Variants in CUX1 observed in about 807,000 individuals in gnomAD.
The protein encoded by CUX1 is cut like homeobox 1, also known as protein CASP.
CUX1 carries 31 observed loss-of-function variants against 158.8 expected under a neutral mutation model. That is an observed-to-expected ratio of 0.20 (90% CI 0.15 to 0.26). The LOEUF (loss-of-function observed/expected upper bound fraction) is 0.26, where lower values mean the gene tolerates loss of function less well. Ranked by LOEUF, CUX1 falls within the 10% of genes least tolerant of loss-of-function variation. CUX1 has a pLI of 1.00. For synonymous variants in CUX1, 879 were observed against 862.1 expected (o/e 1.02, Z -0.34); for missense variants, 1,589 against 2,014.6 (o/e 0.79, Z 4.04).
intron 5 of CUX1, among the ~76,000 whole-genome samples, chr7:102,100,954 G>A (rs1829706846): frequency 6.6e-6 from 1 of 152,182 alleles, no homozygotes; most frequent in African/African-American, 2.4e-5. Context: ...CAGCTTCTGA[G>A]GGTCCTCAGG....
intron 23 of CUX1, among the ~76,000 whole-genome samples, chr7:102,242,205 C>CTTTTTTTTTTTTTTTTT (rs67514665): frequency 1.1e-5 from 1 of 93,072 alleles, no homozygotes; most frequent in Non-Finnish European, 2.1e-5. Context: ...TTCTTTCTTT[C>CTTTTTTTTTTTTTTTTT]TTTTTTTTTT....
intron 2 of CUX1, among the ~76,000 whole-genome samples, chr7:101,973,146 C>T (rs1415210153): frequency 6.6e-6 from 1 of 152,112 alleles, no homozygotes; most frequent in Non-Finnish European, 1.5e-5. Flanking sequence ...TCCATCAGAG[C>T]GTGATTGGGG....
At chr7:102,099,667 T>G (rs992012493) in intron 5 of CUX1, among the ~76,000 whole-genome samples, 1 of 152,080 alleles carries the variant, frequency 6.6e-6, no homozygotes, top group African/African-American at 2.4e-5. Flanking sequence ...ACTCAAGTAG[T>G]CCTCCCGCCT....
chr7:102,172,236 C>T (rs1189828220), intron 10 of CUX1, among the ~76,000 whole-genome samples: 2 of 152,008 alleles, frequency 1.3e-5, no homozygotes, highest in African/African-American at 2.4e-5. Flanking sequence ...GAGCTGCAGG[C>T]GCATACCACC....
chr7:102,269,762 A>G (rs1436339931), intron 14 of CUX1, among the ~76,000 whole-genome samples: 1 of 152,084 alleles, frequency 6.6e-6, no homozygotes, highest in Non-Finnish European at 1.5e-5. Flanking sequence ...GGTCACAACC[A>G]TCGAACAAGT....
intron 1 of CUX1, among the ~76,000 whole-genome samples, chr7:101,838,199 G>A (rs1794842111): frequency 1.3e-5 from 2 of 150,814 alleles, no homozygotes; most frequent in Admixed American, 6.6e-5. Flanking sequence ...GCACAATCTC[G>A]GCTCACTGCA....
intron 1 of CUX1, among the ~76,000 whole-genome samples, chr7:101,910,567 C>T (rs767081536): frequency 1.3e-5 from 2 of 152,040 alleles, no homozygotes. Flanking sequence ...ACTAGTCTGG[C>T]CAACAAGGCG....
chr7:102,125,267 G>C (rs1443567192), intron 8 of CUX1, among the ~76,000 whole-genome samples: 7 of 152,174 alleles, frequency 4.6e-5, no homozygotes, highest in African/African-American at 1.7e-4. Flanking sequence ...CCTGCCCAAT[G>C]AGGACGTTTG....
At position 101,850,195 on chromosome 7, in the gene CUX1, A is replaced by T. The variant is rs542481862; in HGVS notation, c.30+32526A>T. Reference sequence around the variant, plus strand: ...TGCCTTGGCCTCCCAAAGTGCTGGGATTACAAGTGTGAGCCACCATGCCTG... The same window carrying T: ...TGCCTTGGCCTCCCAAAGTGCTGGGTTTACAAGTGTGAGCCACCATGCCTG... On this transcript the variant is annotated intron_variant, in intron 1 of 23. Coordinates refer to ENST00000292535, the MANE Select transcript of CUX1 (RefSeq NM_181552.4). Among the ~76,000 whole-genome samples, 23 of 152,186 alleles carry T rather than the reference A, an allele frequency of 1.5e-4. 1 individual carries two copies. The South Asian group carries it at 4.6e-3, about 30-fold the overall frequency.
At chr7:102,229,025 T>C (rs782711557) in intron 21 of CUX1, among the ~76,000 whole-genome samples, 4 of 152,196 alleles carry the variant, frequency 2.6e-5, no homozygotes, top group Non-Finnish European at 4.4e-5. Flanking sequence ...GTAGCAGCAT[T>C]TTCTAGCACC....
intron 1 of CUX1, among the ~76,000 whole-genome samples, chr7:101,831,365 A>C (rs1184455130): frequency 6.6e-6 from 1 of 151,236 alleles, no homozygotes; most frequent in Non-Finnish European, 1.5e-5. Context: ...ATCTCGGCTC[A>C]CTGCAACCTC....
rs535948948 is a variant in CUX1, at chr7:101,859,976, T to TTCCC, written c.30+42321_30+42324dup. Among the ~76,000 whole-genome samples the TTCCC allele has an allele frequency of 4.6e-5, 7 of 151,192 alleles. No individual in the cohort carries two copies. In the South Asian group the frequency reaches 1.5e-3, roughly 32 times the overall value. On this transcript the variant is annotated intron_variant, in intron 1 of 23. Coordinates refer to ENST00000292535, the MANE Select transcript of CUX1 (RefSeq NM_181552.4). Reference sequence around the variant, plus strand: ...TTTCTTCCTTCCCCTTTCTTTTTCCTTCCCTCCCTCCCTCCCTACCTTCCT... The same window carrying TTCCC: ...TTTCTTCCTTCCCCTTTCTTTTTCCTTCCCTCCCTCCCTCCCTCCCTACCTTCCT...
At chr7:102,207,858 T>C (rs1422515454) in intron 20 of CUX1, among the ~76,000 whole-genome samples, 2 of 152,182 alleles carry the variant, frequency 1.3e-5, no homozygotes, top group African/African-American at 4.8e-5. Flanking sequence ...GATTATCATA[T>C]GGTTTTCCTC....
At chr7:101,902,802 A>G (rs1273736750) in intron 1 of CUX1, among the ~76,000 whole-genome samples, 4 of 151,862 alleles carry the variant, frequency 2.6e-5, no homozygotes, top group African/African-American at 9.7e-5. Flanking sequence ...GCATCTTTTA[A>G]TTTTCTAAGA....
chr7:102,194,377 T>G (rs1794577995), intron 13 of CUX1, among the ~76,000 whole-genome samples: 1 of 151,512 alleles, frequency 6.6e-6, no homozygotes, highest in East Asian at 1.9e-4. Context: ...GACAGGAGGA[T>G]CGCTTTGAGG....
chr7:102,179,437 A>G (rs555146104), intron 11 of CUX1, among the ~76,000 whole-genome samples: 4 of 152,306 alleles, frequency 2.6e-5, no homozygotes, highest in Non-Finnish European at 4.4e-5. Context: ...CTTCCGGTGC[A>G]TGAGCCAAAT....
intron 8 of CUX1, among the ~76,000 whole-genome samples, chr7:102,120,018 G>T (rs1831867598): frequency 1.3e-5 from 2 of 152,184 alleles, no homozygotes. Context: ...CCTTGGGATG[G>T]ATGGCCGTGG....
Position 102,026,834 on chromosome 7 carries a change from A to C in CUX1, c.142-1264A>C, listed in dbSNP as rs1239334282. Reference sequence around the variant, plus strand: ...CTCCGTCTTTAAAAAAAAAAAAAAAAAAAAAAAAAACATAGTTTCAATGCC... The same window carrying C: ...CTCCGTCTTTAAAAAAAAAAAAAAACAAAAAAAAAACATAGTTTCAATGCC... On this transcript the variant is annotated intron_variant, in intron 2 of 23. Transcript: ENST00000292535. Among the ~76,000 whole-genome samples the C allele has an allele frequency of 9.2e-5, 14 of 151,786 alleles. 1 individual carries two copies. Among genetic ancestry groups the C allele is most frequent in the African/African-American group, 1.4e-4 (6 of 41,414 alleles).
At chr7:101,860,053 CCT>C (rs978386593) in intron 1 of CUX1, among the ~76,000 whole-genome samples, 4 of 139,356 alleles carry the variant, frequency 2.9e-5, no homozygotes, top group African/African-American at 2.6e-5. Flanking sequence ...CCTGCTTTTT[CCT>C]CTCTCTCTCT....
Sources: gnomAD v4.1 joint callset for allele counts (sites outside exome capture counted in the v4.1 genomes callset) on GRCh38, gnomAD v4.1.1 for gene constraint, MANE v1.5 for transcripts, NCBI Gene and HGNC (gene_info 2026-07-23, HGNC 2026-07-21) for gene names.